DYTN: variants seen among roughly 807,000 people sequenced by gnomAD.
DYTN encodes the protein dystrotelin.
A neutral mutation model predicts 69.6 loss-of-function variants in DYTN; 75 were observed. The ratio of observed to expected loss-of-function variants is 1.08; its 90% CI spans 0.89 to 1.31. The LOEUF (loss-of-function observed/expected upper bound fraction) is 1.31, where lower values mean the gene tolerates loss of function less well. Ranked by LOEUF, DYTN falls within the 50% of genes most tolerant of loss-of-function variation. The pLI, the probability that DYTN is intolerant of heterozygous loss-of-function variation, is 0.00. For missense variants in DYTN, 726 were observed against 688.4 expected, an observed-to-expected ratio of 1.05 and a Z score of -0.61; for synonymous variants, 252 against 249.1, an observed-to-expected ratio of 1.01 and a Z score of -0.11.
chr2:206,709,333 C>G (rs1463758424), intron 2 of DYTN, among the ~76,000 whole-genome samples: 1 of 151,958 alleles, frequency 6.6e-6, no homozygotes, highest in African/African-American at 2.4e-5. Flanking sequence ...CCTGTGGTCC[C>G]AGCTACTCGG....
At chr2:206,693,559 AC>A (rs1451262610) in intron 8 of DYTN, among the ~76,000 whole-genome samples, 1 of 152,146 alleles carries the variant, frequency 6.6e-6, no homozygotes, top group African/African-American at 2.4e-5. Flanking sequence ...CCTTAGAGTA[AC>A]CCCGTCATTT....
At chr2:206,664,236 C>T (rs1167465164) in intron 10 of DYTN, among the ~76,000 whole-genome samples, 1 of 152,192 alleles carries the variant, frequency 6.6e-6, no homozygotes, top group East Asian at 1.9e-4. Context: ...AGGGTTGCCT[C>T]TTGTGTCAAA....
At chr2:206,659,507 A>C (rs1302332002) in intron 11 of DYTN, among the ~76,000 whole-genome samples, 2 of 142,992 alleles carry the variant, frequency 1.4e-5, no homozygotes, top group Admixed American at 7.1e-5. Flanking sequence ...AAAAAAAAAA[A>C]AAAACTGGAT....
intron 5 of DYTN, among the ~76,000 whole-genome samples, chr2:206,703,078 G>A (rs1168371056): frequency 6.6e-6 from 1 of 152,156 alleles, no homozygotes; most frequent in African/African-American, 2.4e-5. Context: ...ACCTTCTCAG[G>A]AGCATACTGA....
intron 1 of DYTN, among the ~76,000 whole-genome samples, chr2:206,717,649 A>T (rs1700142090): frequency 6.6e-6 from 1 of 152,236 alleles, no homozygotes; most frequent in Admixed American, 6.5e-5. Flanking sequence ...GTTGTTTTAG[A>T]TAAACAACTA....
At chr2:206,701,196 T>A (rs1341022814) in intron 5 of DYTN, 1 of 152,212 alleles carries the variant, frequency 6.6e-6, no homozygotes, top group Non-Finnish European at 1.5e-5. Flanking sequence ...TAGAGTGGCT[T>A]TGAGAAAAAC....
intron 11 of DYTN, among the ~76,000 whole-genome samples, chr2:206,655,716 G>A (rs770826239): frequency 2.0e-5 from 3 of 151,056 alleles, no homozygotes; most frequent in Admixed American, 2.0e-4. Flanking sequence ...AAGCCACCAC[G>A]CCTGGTCATT....
intron 2 of DYTN, among the ~76,000 whole-genome samples, chr2:206,709,316 G>T (rs1175566702): frequency 6.6e-6 from 1 of 152,008 alleles, no homozygotes; most frequent in Non-Finnish European, 1.5e-5. Flanking sequence ...GGGTGTGGTG[G>T]CTCACGCCTG....
At chr2:206,688,554 CA>C (rs1699835428) in intron 9 of DYTN, among the ~76,000 whole-genome samples, 1 of 152,162 alleles carries the variant, frequency 6.6e-6, no homozygotes, top group Admixed American at 6.5e-5. Flanking sequence ...GTGCATCAGG[CA>C]ACTCAAAATT....
At chr2:206,659,164 CTTTTTTTT>C (rs758156864) in intron 11 of DYTN, among the ~76,000 whole-genome samples, 8 of 54,304 alleles carry the variant, frequency 1.5e-4, no homozygotes, top group South Asian at 2.1e-3. Context: ...CTCACAGTCT[CTTTTTTTT>C]TTTTTTTTTT....
At chr2:206,671,084 C>A (rs1186708137) in intron 9 of DYTN, among the ~76,000 whole-genome samples, 2 of 152,196 alleles carry the variant, frequency 1.3e-5, no homozygotes, top group Non-Finnish European at 2.9e-5. Context: ...ACATCACACT[C>A]TGCGCCCTGA....
chr2:206,712,628 GTA>G (rs1641147992), intron 1 of DYTN, among the ~76,000 whole-genome samples: 1 of 152,300 alleles, frequency 6.6e-6, no homozygotes, highest in African/African-American at 2.4e-5. Flanking sequence ...GATCCAGGTA[GTA>G]TATGATGTAG....
chr2:206,709,944 A>G (rs183028035), intron 2 of DYTN, among the ~76,000 whole-genome samples: 240 of 152,242 alleles, frequency 1.6e-3, no homozygotes, highest in Non-Finnish European at 2.0e-3. Context: ...ACAGTAGGAG[A>G]AAAGAAAAGA....
At chr2:206,678,454 C>T (rs1159466663) in intron 9 of DYTN, among the ~76,000 whole-genome samples, 1 of 151,936 alleles carries the variant, frequency 6.6e-6, no homozygotes, top group Non-Finnish European at 1.5e-5. Flanking sequence ...AGAAATGTAT[C>T]CTAAGGAAAT....
At chr2:206,696,815 T>C (rs1699924368) in intron 7 of DYTN, among the ~76,000 whole-genome samples, 1 of 152,146 alleles carries the variant, frequency 6.6e-6, no homozygotes, top group Non-Finnish European at 1.5e-5. Flanking sequence ...TTACTACTTA[T>C]AGTAGTACTA....
chr2:206,665,756 A>G, intron 10 of DYTN, 114 bp downstream of exon 10: 1 of 1,287,098 alleles, frequency 7.8e-7, no homozygotes, highest in Non-Finnish European at 1.1e-6. Context: ...TACGGGGAGA[A>G]GAGGCAAGGG....
intron 10 of DYTN, among the ~76,000 whole-genome samples, chr2:206,664,325 C>T (rs76292367): frequency 8.7e-4 from 132 of 152,208 alleles, no homozygotes; most frequent in Non-Finnish European, 1.5e-3. Context: ...GCGAGAATGT[C>T]ACTGCAAGGA....
intron 9 of DYTN, among the ~76,000 whole-genome samples, chr2:206,685,860 A>C (rs1040947232): frequency 5.3e-5 from 8 of 152,146 alleles, no homozygotes; most frequent in Non-Finnish European, 1.2e-4. Flanking sequence ...AGAGTTCAGA[A>C]ACACTCCAGC....
At chr2:206,671,182 G>A (rs1004360413) in intron 9 of DYTN, among the ~76,000 whole-genome samples, 1 of 152,036 alleles carries the variant, frequency 6.6e-6, no homozygotes, top group Non-Finnish European at 1.5e-5. Flanking sequence ...CCCACACATC[G>A]GAATGAAAGA....
Sources: gnomAD v4.1 joint callset for allele counts (sites outside exome capture counted in the v4.1 genomes callset) on GRCh38, gnomAD v4.1.1 for gene constraint, MANE v1.5 for transcripts, NCBI Gene and HGNC (gene_info 2026-07-23, HGNC 2026-07-21) for gene names.